TIMP2: variants seen among roughly 807,000 people sequenced by gnomAD.
The protein encoded by TIMP2 is TIMP metallopeptidase inhibitor 2, also known as metalloproteinase inhibitor 2.
In TIMP2, 5 loss-of-function variants were observed where a neutral mutation model predicts 24.3. The ratio of observed to expected loss-of-function variants is 0.21; its 90% CI spans 0.11 to 0.43. The LOEUF is 0.43. Among genes scored for constraint, TIMP2 ranks in the 20% least tolerant of loss-of-function variants. The pLI is 1.00. For missense variants in TIMP2, 221 were observed against 297.5 expected (o/e 0.74, Z 1.89); for synonymous variants, 130 against 123.2 (o/e 1.06, Z -0.37).
chr17:78,858,967 A>C (rs562037600), intron 3 of TIMP2, among the ~76,000 whole-genome samples: 2 of 152,330 alleles, frequency 1.3e-5, no homozygotes, highest in African/African-American at 4.8e-5. Context: ...GGTGTGAGCC[A>C]CTGCGCCCGG....
chr17:78,884,456 G>C (rs542058435), intron 1 of TIMP2, among the ~76,000 whole-genome samples: 1 of 152,290 alleles, frequency 6.6e-6, no homozygotes, highest in South Asian at 2.1e-4. Flanking sequence ...CTGACTTGCT[G>C]CATTTCTCAG....
intron 1 of TIMP2, among the ~76,000 whole-genome samples, chr17:78,911,895 A>ACACAC (rs1555652473): frequency 2.6e-4 from 13 of 50,968 alleles, no homozygotes; most frequent in African/African-American, 1.3e-3. Flanking sequence ...AAAACACACC[A>ACACAC]AAAAAAAAAA....
At chr17:78,890,322 T>A (rs2069869050) in intron 1 of TIMP2, among the ~76,000 whole-genome samples, 1 of 151,920 alleles carries the variant, frequency 6.6e-6, no homozygotes, top group African/African-American at 2.4e-5. Context: ...CTGCCTCAAT[T>A]TCCTGAGTAG....
At chr17:78,884,326 C>G (rs1010591741) in intron 1 of TIMP2, among the ~76,000 whole-genome samples, 2 of 152,212 alleles carry the variant, frequency 1.3e-5, no homozygotes, top group African/African-American at 4.8e-5. Context: ...TCCTCCCAAG[C>G]CGATCCATTT....
intron 1 of TIMP2, among the ~76,000 whole-genome samples, chr17:78,911,852 C>G (rs375675517): frequency 6.7e-6 from 1 of 149,576 alleles, no homozygotes; most frequent in African/African-American, 2.5e-5. Flanking sequence ...TCAAGACCAG[C>G]CAGGCCAACA....
At position 78,892,356 on chromosome 17, in the gene TIMP2, C is replaced by G. The variant is rs1048898212; in HGVS notation, c.131-18437G>C. ...TTTCTGTTCCTGTCTGCGAACCCAGCAGATACAGCTTCCCAGGGAAGGTGC... is the reference window on the plus strand; with the variant it reads ...TTTCTGTTCCTGTCTGCGAACCCAGGAGATACAGCTTCCCAGGGAAGGTGC... On this transcript the variant is annotated intron_variant, in intron 1 of 4. Coordinates refer to ENST00000262768, the MANE Select transcript of TIMP2 (RefSeq NM_003255.5). 3 of 1,550,566 alleles carry G rather than the reference C, an allele frequency of 1.9e-6. No individual in the cohort carries two copies. The African/African-American group carries it at 4.1e-5, about 21-fold the overall frequency.
rs146938145 is a variant in TIMP2 at position 78,915,582 on chromosome 17, C to T, written c.130+9377G>A. 2.2e-3 allele frequency among the ~76,000 whole-genome samples: 335 copies of T among 151,834 alleles called. 11 individuals carry two copies. In the East Asian group the frequency reaches 0.053, roughly 24 times the overall value. On this transcript the variant is annotated intron_variant, in intron 1 of 4. Coordinates refer to ENST00000262768, the MANE Select transcript of TIMP2 (RefSeq NM_003255.5). ...TCACCCAGGCAGGAGTGCAGTGGTGCGATGTCGGCTCACTGCAACCTCTGC... is the reference window on the plus strand; with the variant it reads ...TCACCCAGGCAGGAGTGCAGTGGTGTGATGTCGGCTCACTGCAACCTCTGC...
At chr17:78,877,546 CT>C (rs199513853) in intron 1 of TIMP2, among the ~76,000 whole-genome samples, 25,406 of 119,076 alleles carry the variant, frequency 0.21, 2,265 homozygotes, top group East Asian at 0.34. Context: ...GAGACTCCGT[CT>C]TTTAAAAAAA....
chr17:78,870,615 T>C (rs1268224481), intron 3 of TIMP2, among the ~76,000 whole-genome samples: 1 of 152,160 alleles, frequency 6.6e-6, no homozygotes, highest in Non-Finnish European at 1.5e-5. Context: ...CTGCCCTGCA[T>C]GTCTCCAGCA....
chr17:78,891,462 A>G lies in TIMP2; in HGVS notation c.131-17543T>C. 5 of 1,550,828 alleles carry G rather than the reference A, an allele frequency of 3.2e-6. No homozygotes were observed. Among genetic ancestry groups the G allele is most frequent in the Non-Finnish European group, 4.4e-6 (5 of 1,147,044 alleles). ...TTCAGCTTTCTGTTTATATTAAACA[A>G]CTCTTCAAAGGCCAACTCCAGCTCT... On this transcript the variant is annotated intron_variant, in intron 1 of 4. Coordinates refer to ENST00000262768, the MANE Select transcript of TIMP2 (RefSeq NM_003255.5). This position sits in a 1 kb window ranked among gnomAD's most constrained non-coding sequence, Gnocchi z 4.5.
intron 1 of TIMP2, among the ~76,000 whole-genome samples, chr17:78,879,326 C>G (rs2069757598): frequency 6.6e-6 from 1 of 152,200 alleles, no homozygotes; most frequent in Admixed American, 6.5e-5. Flanking sequence ...GGATGGACCA[C>G]CAGTTCTGTA....
intron 1 of TIMP2, among the ~76,000 whole-genome samples, chr17:78,878,150 G>T (rs2069744999): frequency 6.6e-6 from 1 of 152,194 alleles, no homozygotes; most frequent in African/African-American, 2.4e-5. Context: ...GGGCATTGAG[G>T]TTCACATGCT....
chr17:78,876,086 A>G (rs919220529), intron 1 of TIMP2, among the ~76,000 whole-genome samples: 3 of 152,076 alleles, frequency 2.0e-5, no homozygotes, highest in African/African-American at 7.2e-5. Flanking sequence ...ACGGCCCCCT[A>G]TTTCCAGTGC....
intron 1 of TIMP2, among the ~76,000 whole-genome samples, chr17:78,895,739 AC>A (rs1185772810): frequency 5.3e-5 from 8 of 152,268 alleles, no homozygotes; most frequent in Middle Eastern, 6.8e-3. Flanking sequence ...ACCAAAGACC[AC>A]CAGGAACGGC....
chr17:78,875,331 T>G (rs2069719794), intron 1 of TIMP2, among the ~76,000 whole-genome samples: 1 of 152,122 alleles, frequency 6.6e-6, no homozygotes, highest in South Asian at 2.1e-4. Context: ...GGATCCCAAC[T>G]AAGCCCCAAC....
rs551189216 is a variant in TIMP2 at position 78,891,277 on chromosome 17, T to C, written c.131-17358A>G. 6 of 1,550,644 alleles carry C rather than the reference T, an allele frequency of 3.9e-6. No individual in the cohort carries two copies. Among genetic ancestry groups the C allele is most frequent in the Admixed American group, 2.0e-5 (1 of 51,002 alleles). ...CTGCCTGCTGCGCCTCCTCCTCTGC[T>C]GGGCTCCTGGGTTCCCCGGCAGGCA... On this transcript the variant is annotated intron_variant, in intron 1 of 4. Coordinates refer to ENST00000262768, the MANE Select transcript of TIMP2 (RefSeq NM_003255.5). The surrounding 1 kb of genome is among the most constrained non-coding windows in gnomAD (Gnocchi z 4.5).
chr17:78,896,830 C>T lies in TIMP2; in HGVS notation c.131-22911G>A, dbSNP rs538422230. 24 of 691,456 alleles carry T rather than the reference C, an allele frequency of 3.5e-5. No homozygotes were observed. The East Asian group carries it at 6.7e-4, about 19-fold the overall frequency. The allele number at this position is 691,456 out of a possible 1,614,324, so 42.8% of individuals were successfully genotyped here. A position where few individuals can be genotyped will look rare whatever the true frequency, so the allele number is the denominator to read the frequency against. ...TCTCCTCTCTTGCTCTCTACAGCCC[C>T]GTGGCCCCAGCGCAGGAGCCAGCCC... On this transcript the variant is annotated intron_variant, in intron 1 of 4. Coordinates refer to ENST00000262768, the MANE Select transcript of TIMP2 (RefSeq NM_003255.5). This position sits in a 1 kb window ranked among gnomAD's most constrained non-coding sequence, Gnocchi z 4.4.
intron 1 of TIMP2, among the ~76,000 whole-genome samples, chr17:78,887,121 G>T (rs1045445207): frequency 1.1e-4 from 17 of 152,354 alleles, no homozygotes; most frequent in African/African-American, 4.1e-4. Context: ...AAAGAGTCTT[G>T]TGGGATGCTA....
chr17:78,917,844 G>A (rs1469021357), intron 1 of TIMP2, among the ~76,000 whole-genome samples: 2 of 152,180 alleles, frequency 1.3e-5, no homozygotes, highest in East Asian at 3.9e-4. Flanking sequence ...TGCCCAGGGC[G>A]GCCGAGTGCA....
Sources: allele counts gnomAD v4.1 joint callset (sites outside exome capture counted in the v4.1 genomes callset), GRCh38; gene constraint gnomAD v4.1.1; non-coding constraint Gnocchi (gnomAD v3.1); transcripts MANE v1.5; gene names NCBI Gene and HGNC (gene_info 2026-07-23, HGNC 2026-07-21).